XXYLT1: variants seen among roughly 807,000 people sequenced by gnomAD.
XXYLT1 encodes UDP-xylose:alpha-xyloside alpha-1,3-xylosyltransferase.
XXYLT1 carries 20 observed loss-of-function variants against 28.9 expected under a neutral mutation model. That is an observed-to-expected ratio of 0.69 (90% CI 0.49 to 1.00). XXYLT1 has a LOEUF of 1.00. XXYLT1 is among the 50% of genes least tolerant of loss of function. The pLI is 0.00. For synonymous variants in XXYLT1, 257 were observed against 253.8 expected, an observed-to-expected ratio of 1.01 and a Z score of -0.12; for missense variants, 542 against 560.1, an observed-to-expected ratio of 0.97 and a Z score of 0.33.
In XXYLT1 at chr3:195,180,270, C is replaced by A; in HGVS notation, c.653-23689G>T. Reference sequence around the variant, plus strand: ...GGGGGTGGTGAGTGGCACACTCGGTCCCCCAGTTACAGGAAAGGTCCCTTC... The same window carrying A: ...GGGGGTGGTGAGTGGCACACTCGGTACCCCAGTTACAGGAAAGGTCCCTTC... On this transcript the variant is annotated intron_variant, in intron 2 of 3. Coordinates refer to ENST00000310380, the MANE Select transcript of XXYLT1 (RefSeq NM_152531.5). The surrounding 1 kb of genome is among the most constrained non-coding windows in gnomAD (Gnocchi z 5.8). 1.0e-6 allele frequency: 1 copy of A among 968,052 alleles called. No homozygotes were observed. Among genetic ancestry groups the A allele is most frequent in the Non-Finnish European group, 1.2e-6 (1 of 814,188 alleles). 60.0% of individuals were successfully genotyped at this position (968,052 alleles called of 1,614,324 possible).
intron 1 of XXYLT1, among the ~76,000 whole-genome samples, chr3:195,239,046 T>A (rs112654560): frequency 5.8e-4 from 89 of 152,324 alleles, no homozygotes; most frequent in African/African-American, 2.1e-3. Context: ...ATGAATAGAC[T>A]TCTGAGGACA....
intron 2 of XXYLT1, among the ~76,000 whole-genome samples, chr3:195,185,322 T>C (rs1722146193): frequency 6.6e-6 from 1 of 152,036 alleles, no homozygotes; most frequent in Non-Finnish European, 1.5e-5. Flanking sequence ...ATCGTGGTCA[T>C]CTGATTGCTG....
At chr3:195,149,060 G>C (rs1289292557) in intron 3 of XXYLT1, among the ~76,000 whole-genome samples, 1 of 152,170 alleles carries the variant, frequency 6.6e-6, no homozygotes, top group Non-Finnish European at 1.5e-5. Context: ...TTTTGTATAT[G>C]TTGAAAGGTT....
intron 2 of XXYLT1, among the ~76,000 whole-genome samples, chr3:195,167,128 G>A (rs1483502276): frequency 6.6e-6 from 1 of 152,244 alleles, no homozygotes. Context: ...GTGCCAGTGT[G>A]TCCTATCACT....
At chr3:195,097,121 G>T (rs529251657) in intron 3 of XXYLT1, among the ~76,000 whole-genome samples, 3 of 152,138 alleles carry the variant, frequency 2.0e-5, no homozygotes, top group Non-Finnish European at 4.4e-5. Flanking sequence ...CATATAGGCC[G>T]GTTCATTTTT....
chr3:195,184,557 G>T, intron 2 of XXYLT1: 1 of 963,280 alleles, frequency 1.0e-6, no homozygotes, highest in Non-Finnish European at 1.2e-6. Flanking sequence ...AATTCTGGAA[G>T]TTTAAGAAAA....
rs147860449 is a variant in XXYLT1, at chr3:195,084,501, G to T, written c.786-14390C>A. On this transcript the variant is annotated intron_variant, in intron 3 of 3. Transcript: ENST00000310380. Reference sequence around the variant, plus strand: ...ACCCTCGCTAGGGCACCACAAGACTGCCTGCAGCCTTTCCCACCAGCGAGA... The same window carrying T: ...ACCCTCGCTAGGGCACCACAAGACTTCCTGCAGCCTTTCCCACCAGCGAGA... Among the ~76,000 whole-genome samples, 8 of 152,318 alleles carry T rather than the reference G, an allele frequency of 5.3e-5. No individual in the cohort carries two copies. The East Asian group carries it at 1.5e-3, about 29-fold the overall frequency.
At chr3:195,111,408 T>C (rs1414418571) in intron 3 of XXYLT1, among the ~76,000 whole-genome samples, 1 of 152,004 alleles carries the variant, frequency 6.6e-6, no homozygotes, top group East Asian at 1.9e-4. Context: ...ATTCAATCCA[T>C]AGCAGAGAGG....
rs1456121257 is a variant in XXYLT1, at chr3:195,150,637, A to G, written c.785+5812T>C. Reference sequence around the variant, plus strand: ...CCTCAGGGTGGGCCGGGGCTCACACAGCACACGGCTGCCCGCAGAGCCTGG... The same window carrying G: ...CCTCAGGGTGGGCCGGGGCTCACACGGCACACGGCTGCCCGCAGAGCCTGG... On this transcript the variant is annotated intron_variant, in intron 3 of 3. Transcript: ENST00000310380. This position sits in a 1 kb window ranked among gnomAD's most constrained non-coding sequence, Gnocchi z 4.7. Among the ~76,000 whole-genome samples the G allele has an allele frequency of 6.6e-6, 1 of 152,214 alleles. No individual in the cohort carries two copies. Among genetic ancestry groups the G allele is most frequent in the Non-Finnish European group, 1.5e-5 (1 of 68,038 alleles).
At chr3:195,224,098 G>A (rs1369261905) in intron 2 of XXYLT1, among the ~76,000 whole-genome samples, 1 of 152,228 alleles carries the variant, frequency 6.6e-6, no homozygotes, top group Non-Finnish European at 1.5e-5. Flanking sequence ...AGAGGTTGCA[G>A]TGAGCCGAGA....
intron 3 of XXYLT1, among the ~76,000 whole-genome samples, chr3:195,145,332 G>A (rs573821190): frequency 1.1e-3 from 166 of 151,220 alleles, no homozygotes; most frequent in African/African-American, 3.8e-3. Context: ...GAGCATCTCT[G>A]TGAAGCCACA....
chr3:195,199,824 C>T (rs1722777081), intron 2 of XXYLT1, among the ~76,000 whole-genome samples: 1 of 152,106 alleles, frequency 6.6e-6, no homozygotes, highest in Admixed American at 6.5e-5. Flanking sequence ...TCCCATGTGT[C>T]CACTGAAAAT....
rs919527019 is a variant in XXYLT1, at chr3:195,179,379, G to A, written c.653-22798C>T. Reference sequence around the variant, plus strand: ...AAAAAAAAAAAAGAACTCATGATGGGATCGTACCTCAGAGTTTTTCCAGCC... The same window carrying A: ...AAAAAAAAAAAAGAACTCATGATGGAATCGTACCTCAGAGTTTTTCCAGCC... On this transcript the variant is annotated intron_variant, in intron 2 of 3. Transcript: ENST00000310380. 3.3e-5 allele frequency among the ~76,000 whole-genome samples: 5 copies of A among 151,800 alleles called. No homozygotes were observed. The South Asian group carries it at 8.4e-4, about 25-fold the overall frequency.
rs150479121 is a variant in XXYLT1, at chr3:195,073,304, C to T, written c.786-3193G>A. Among the ~76,000 whole-genome samples the T allele has an allele frequency of 6.6e-3, 1,008 of 152,332 alleles. 16 individuals carry two copies. Among genetic ancestry groups the T allele is most frequent in the African/African-American group, 0.023 (944 of 41,556 alleles). On this transcript the variant is annotated intron_variant, in intron 3 of 3. Coordinates refer to ENST00000310380, the MANE Select transcript of XXYLT1 (RefSeq NM_152531.5). ...TTAGGGCTCAGACCTGAGGCCTCTA[C>T]GAGGCAGGGCAGTGAGTGTCCCAGA...
chr3:195,166,893 C>T (rs1162470794), intron 2 of XXYLT1, among the ~76,000 whole-genome samples: 1 of 152,072 alleles, frequency 6.6e-6, no homozygotes, highest in African/African-American at 2.4e-5. Flanking sequence ...TGGCCAGGCT[C>T]GTCTTCATCT....
chr3:195,270,528 G>A, intron 1 of XXYLT1, 27 bp downstream of exon 1: 1 of 1,362,002 alleles, frequency 7.3e-7, no homozygotes, highest in Non-Finnish European at 9.4e-7. Context: ...GCCACCCACC[G>A]GGAGCCCCCA....
Position 195,120,143 on chromosome 3 carries a change from C to T in XXYLT1, c.785+36306G>A, listed in dbSNP as rs1022531015. On this transcript the variant is annotated intron_variant, in intron 3 of 3. Coordinates refer to ENST00000310380, the MANE Select transcript of XXYLT1 (RefSeq NM_152531.5). Reference sequence around the variant, plus strand: ...GCCTAAGGCCTCTATCCAGGTTCCACGGACAAGATGATCTACTCAAAGGAG... The same window carrying T: ...GCCTAAGGCCTCTATCCAGGTTCCATGGACAAGATGATCTACTCAAAGGAG... Among the ~76,000 whole-genome samples the T allele has an allele frequency of 2.2e-4, 33 of 152,220 alleles. 1 individual carries two copies. The highest frequency in any genetic ancestry group is 2.2e-3 in the Admixed American group (33 of 15,286).
At chr3:195,235,375 ATTTG>A (rs1036386617) in intron 1 of XXYLT1, among the ~76,000 whole-genome samples, 8 of 152,114 alleles carry the variant, frequency 5.3e-5, no homozygotes, top group Non-Finnish European at 8.8e-5. Flanking sequence ...AATTATTTCA[ATTTG>A]TTTGTTAAAT....
At position 195,070,096 on chromosome 3, in the gene XXYLT1, C is replaced by A. The variant is rs770779670; in HGVS notation, c.801G>T (p.Gln267His). The change falls in exon 4 of 4, where the codon CAG becomes CAT. Residue 267 changes from glutamine (Q) to histidine (H), a missense_variant. Physicochemically the swap from Gln to His is conservative, Grantham distance 24 (BLOSUM62 0). Transcript: ENST00000310380. The stretch of plus-strand genomic sequence containing the variant: ...GGGTCTGGGGGTTCTCATGGCGGAA[C>A]TGCCAGAATGTGTGCCTGTGGAGAG... ...MQPVYRHTFW[Q>H]FRHENPQTRV... The A allele has an allele frequency of 5.9e-5, 93 of 1,573,526 alleles. No homozygotes were observed. Among genetic ancestry groups the A allele is most frequent in the Non-Finnish European group, 7.8e-5 (91 of 1,167,668 alleles).
Sources: gnomAD v4.1 joint callset for allele counts (sites outside exome capture counted in the v4.1 genomes callset) on GRCh38, gnomAD v4.1.1 for gene constraint, Gnocchi (gnomAD v3.1) non-coding constraint, MANE v1.5 for transcripts, NCBI Gene and HGNC (gene_info 2026-07-23, HGNC 2026-07-21) for gene names.